The following GBF1 variants were observed in gnomAD, a reference collection of about 807,000 sequenced individuals.
GBF1 encodes Golgi-specific brefeldin A-resistance guanine nucleotide exchange factor 1.
Under a neutral mutation model 210.5 loss-of-function variants are expected in GBF1, and 114 were observed. The observed-to-expected ratio is 0.54, with a 90% CI of 0.47 to 0.63. The LOEUF is 0.63. GBF1 is among the 30% of genes least tolerant of loss of function. GBF1 has a pLI of 0.00. For missense variants in GBF1, 1,851 were observed against 2,357.7 expected (o/e 0.79, Z 4.45); for synonymous variants, 850 against 889.2 (o/e 0.96, Z 0.78).
At chr10:102,308,285 G>T (rs2078102285) in intron 3 of GBF1, among the ~76,000 whole-genome samples, 1 of 151,220 alleles carries the variant, frequency 6.6e-6, no homozygotes, top group Admixed American at 6.6e-5. Flanking sequence ...TTCTCATAGT[G>T]GAATACTATA....
chr10:102,268,986 C>A (rs1365895129), intron 3 of GBF1, among the ~76,000 whole-genome samples: 1 of 152,212 alleles, frequency 6.6e-6, no homozygotes, highest in Admixed American at 6.5e-5. Context: ...CAGTTTTACT[C>A]TAGGAAACCA....
chr10:102,272,843 G>T (rs903301431), intron 3 of GBF1, among the ~76,000 whole-genome samples: 14 of 152,302 alleles, frequency 9.2e-5, no homozygotes, highest in African/African-American at 3.4e-4. Context: ...CTAGGGGCTT[G>T]TGAGTATTTT....
chr10:102,292,182 C>A (rs1319648082), intron 3 of GBF1, among the ~76,000 whole-genome samples: 3 of 152,078 alleles, frequency 2.0e-5, no homozygotes, highest in Non-Finnish European at 4.4e-5. Context: ...AGCCACCATG[C>A]CCGGCCCCTA....
chr10:102,351,526 G>T, intron 5 of GBF1, 152 bp downstream of exon 5: 1 of 620,648 alleles, frequency 1.6e-6, no homozygotes, highest in South Asian at 1.9e-5. Flanking sequence ...GGTACCCAAA[G>T]TAAAAGCTTT....
the GBF1 span, among the ~76,000 whole-genome samples, chr10:102,231,384 C>T: frequency 2.0e-5 from 3 of 152,046 alleles, no homozygotes; most frequent in Non-Finnish European, 4.4e-5. Context: ...GCCGAAGAAG[C>T]GCGCGGTCCG....
chr10:102,359,403 G>A lies in GBF1; in HGVS notation c.1148G>A (p.Gly383Asp). The change falls in exon 11 of 40, where the codon GGC becomes GAC. Residue 383 changes from glycine to aspartate, a missense_variant. By Grantham distance (94) the Gly-to-Asp change is moderately conservative. Coordinates refer to ENST00000369983, the MANE Select transcript of GBF1 (RefSeq NM_001377137.1). ...VHDMDYVNPR[G>D]VRFTQSSQKE... ...GACATGGATTACGTCAATCCCCGGG[G>A]CGTGCGCTTTACACAGTCCTCCCAG... 3 of 1,613,918 alleles carry A rather than the reference G, an allele frequency of 1.9e-6. No individual in the cohort carries two copies. Among genetic ancestry groups the A allele is most frequent in the Non-Finnish European group, 1.7e-6 (2 of 1,179,866 alleles).
Position 102,359,350 on chromosome 10 carries a change from C to T in GBF1, c.1095C>T (p.Ala365=), listed in dbSNP as rs779178840. The T allele has an allele frequency of 1.3e-5, 21 of 1,612,170 alleles. No homozygotes were observed. Among genetic ancestry groups the T allele is most frequent in the East Asian group, 1.1e-4 (5 of 44,896 alleles). The change falls in exon 11 of 40, where the codon GCC becomes GCT. Residue 365 remains alanine (A), a synonymous_variant. Transcript: ENST00000369983. ...TGTTAGAGGAGTGCACGTCCCCTGC[C>T]GACCACTCTGACTCTGCCTCTGTCC... is the stretch of plus-strand genomic sequence containing the variant. ...PEVLEECTSP[A]DHSDSASVHD...
the GBF1 span, chr10:102,231,791 C>A: frequency 6.3e-7 from 1 of 1,599,230 alleles, no homozygotes; most frequent in South Asian, 1.1e-5. Flanking sequence ...TTTTCTGAGT[C>A]TGGGGGCCAG....
At chr10:102,339,674 A>G (rs2134478606) in intron 3 of GBF1, among the ~76,000 whole-genome samples, 1 of 152,314 alleles carries the variant, frequency 6.6e-6, no homozygotes, top group Admixed American at 6.5e-5. Flanking sequence ...TCAAAAAAAA[A>G]AAGACTTAGT....
chr10:102,293,334 TATAAA>T (rs1464233728), intron 3 of GBF1, among the ~76,000 whole-genome samples: 3 of 152,232 alleles, frequency 2.0e-5, no homozygotes, highest in Non-Finnish European at 4.4e-5. Flanking sequence ...CTGCCAGTCA[TATAAA>T]AGCATAGCAC....
chr10:102,318,121 C>T (rs1204474875), intron 3 of GBF1, among the ~76,000 whole-genome samples: 1 of 152,026 alleles, frequency 6.6e-6, no homozygotes, highest in African/African-American at 2.4e-5. Flanking sequence ...TGGTCTCGAT[C>T]TCCTGACCTT....
chr10:102,231,545 G>T, the GBF1 span: 12 of 1,350,548 alleles, frequency 8.9e-6, no homozygotes, highest in Non-Finnish European at 1.2e-5. Context: ...GGCTGAGCGC[G>T]GAGGGCCCGC....
chr10:102,232,063 G>A, the GBF1 span: 3 of 1,600,018 alleles, frequency 1.9e-6, no homozygotes, highest in African/African-American at 2.7e-5. Context: ...CTGCCTCGCT[G>A]AGCAGGCCGA....
chr10:102,279,029 C>G (rs960168862), intron 3 of GBF1, among the ~76,000 whole-genome samples: 4 of 152,284 alleles, frequency 2.6e-5, no homozygotes, highest in African/African-American at 9.6e-5. Flanking sequence ...CTTGCCTGAA[C>G]CAATTTCTGG....
chr10:102,289,304 C>G (rs891565538), intron 3 of GBF1, among the ~76,000 whole-genome samples: 1 of 152,156 alleles, frequency 6.6e-6, no homozygotes, highest in Non-Finnish European at 1.5e-5. Flanking sequence ...ATACCTTACT[C>G]TATACCTGAT....
At chr10:102,295,124 G>T (rs1053050263) in intron 3 of GBF1, among the ~76,000 whole-genome samples, 1 of 152,144 alleles carries the variant, frequency 6.6e-6, no homozygotes, top group African/African-American at 2.4e-5. Context: ...TAGTTTTTCA[G>T]ATTAAAGGAT....
At chr10:102,284,428 C>T (rs2075772194) in intron 3 of GBF1, among the ~76,000 whole-genome samples, 1 of 152,146 alleles carries the variant, frequency 6.6e-6, no homozygotes, top group South Asian at 2.1e-4. Flanking sequence ...CTTTCCCTTC[C>T]CCTCCAGCCC....
At chr10:102,299,653 A>G (rs1589543294) in intron 3 of GBF1, among the ~76,000 whole-genome samples, 3 of 152,042 alleles carry the variant, frequency 2.0e-5, no homozygotes, top group Admixed American at 2.0e-4. Flanking sequence ...ATGGTGGCAC[A>G]TGCCTGTAAT....
intron 3 of GBF1, among the ~76,000 whole-genome samples, chr10:102,290,489 A>G (rs1329091813): frequency 6.6e-6 from 1 of 151,712 alleles, no homozygotes; most frequent in Non-Finnish European, 1.5e-5. Flanking sequence ...TTTCTTTTTT[A>G]TATTTTTAAT....
Sources: allele counts gnomAD v4.1 joint callset (sites outside exome capture counted in the v4.1 genomes callset), GRCh38; gene constraint gnomAD v4.1.1; transcripts MANE v1.5; gene names NCBI Gene and HGNC (gene_info 2026-07-23, HGNC 2026-07-21).